Variants in MAP3K1 observed in about 807,000 individuals in gnomAD.
MAP3K1 encodes MAP/ERK kinase kinase 1.
A neutral mutation model predicts 144.2 loss-of-function variants in MAP3K1; 36 were observed. The ratio of observed to expected loss-of-function variants is 0.25; its 90% confidence interval spans 0.19 to 0.33. MAP3K1 has a LOEUF of 0.33. Among genes scored for constraint, MAP3K1 ranks in the 10% least tolerant of loss-of-function variants. The pLI is 1.00. For missense variants in MAP3K1, 1,650 were observed against 1,881.9 expected (o/e 0.88, Z 2.28); for synonymous variants, 718 against 688.7 (o/e 1.04, Z -0.67).
chr5:56,851,248 G>C (rs548881471), intron 1 of MAP3K1, among the ~76,000 whole-genome samples: 1 of 152,258 alleles, frequency 6.6e-6, no homozygotes, highest in South Asian at 2.1e-4. Context: ...GCCCGGCCAG[G>C]ATTCTATTTT....
intron 1 of MAP3K1, among the ~76,000 whole-genome samples, chr5:56,855,306 A>G (rs1260589072): frequency 6.6e-6 from 1 of 152,014 alleles, no homozygotes; most frequent in Non-Finnish European, 1.5e-5. Context: ...CTTTTTTCAT[A>G]CTTTTTGAAA....
At chr5:56,884,921 A>G (rs1182616852) in intron 16 of MAP3K1, 95 bp downstream of exon 16, 1 of 1,197,684 alleles carries the variant, frequency 8.3e-7, no homozygotes, top group African/African-American at 1.5e-5. Flanking sequence ...ATTTCTATCA[A>G]ATAGTTTGGG....
intron 3 of MAP3K1, among the ~76,000 whole-genome samples, chr5:56,863,478 TAGTA>T (rs1284791308): frequency 6.6e-6 from 1 of 152,246 alleles, no homozygotes; most frequent in Non-Finnish European, 1.5e-5. Flanking sequence ...TAGCATGTGT[TAGTA>T]CTCCATTTTT....
rs1370437280 is a variant in MAP3K1, at chr5:56,815,839, C to T, written c.266C>T (p.Thr89Ile). 6.4e-6 allele frequency: 9 copies of T among 1,408,318 alleles called. No individual in the cohort carries two copies. The highest frequency in any genetic ancestry group is 3.1e-5 in the East Asian group (1 of 31,994). The allele number at this position is 1,408,318 out of a possible 1,614,324, so 87.2% of individuals were successfully genotyped here. Residue 89 changes from threonine (T) to isoleucine (I), a missense_variant, in exon 1 of 20, where the codon ACT becomes ATT. Thr to Ile is a moderately conservative substitution (Grantham distance 89, BLOSUM62 -1). Coordinates refer to ENST00000399503, the MANE Select transcript of MAP3K1 (RefSeq NM_005921.2). ...FLAASPPASSTSPSPEPADAA... is the reference protein window; with the variant it reads ...FLAASPPASSISPSPEPADAA... ...GCCGCCTCACCGCCGGCCTCCTCGA[C>T]TTCCCCGTCGCCGGAGCCCGCGGAC...
At chr5:56,867,794 TATATC>T (rs1343481005) in intron 6 of MAP3K1, among the ~76,000 whole-genome samples, 2 of 152,218 alleles carry the variant, frequency 1.3e-5, no homozygotes, top group Non-Finnish European at 2.9e-5. Context: ...AAGCCTCACA[TATATC>T]ATATATGACT....
At chr5:56,828,882 CTTTTT>C (rs10552271) in intron 1 of MAP3K1, among the ~76,000 whole-genome samples, 113,204 of 151,050 alleles carry the variant, frequency 0.75, 42,900 homozygotes, top group Non-Finnish European at 0.82. Context: ...ATGTATGCAT[CTTTTT>C]TTTTTAAGTT....
At chr5:56,820,794 G>A in intron 1 of MAP3K1, 1 of 985,398 alleles carries the variant, frequency 1.0e-6, no homozygotes, top group South Asian at 4.7e-5. Flanking sequence ...AAAAGATCAT[G>A]AGTGCACAAG....
At chr5:56,866,076 T>A in intron 6 of MAP3K1, 99 bp downstream of exon 6, 3 of 1,037,754 alleles carry the variant, frequency 2.9e-6, no homozygotes, top group Non-Finnish European at 4.4e-6. Context: ...TAAAATGATT[T>A]AATTATTGAA....
At chr5:56,827,358 C>T (rs1210843514) in intron 1 of MAP3K1, among the ~76,000 whole-genome samples, 2 of 152,160 alleles carry the variant, frequency 1.3e-5, no homozygotes, top group African/African-American at 2.4e-5. Flanking sequence ...CAGGAGGCCC[C>T]AAGAAGGATT....
At chr5:56,867,591 A>G (rs989142083) in intron 6 of MAP3K1, among the ~76,000 whole-genome samples, 1 of 152,208 alleles carries the variant, frequency 6.6e-6, no homozygotes, top group African/African-American at 2.4e-5. Flanking sequence ...TTAAAAAAAG[A>G]TACCAGTTTT....
intron 1 of MAP3K1, among the ~76,000 whole-genome samples, chr5:56,821,030 T>C (rs1485425467): frequency 6.6e-6 from 1 of 152,240 alleles, no homozygotes; most frequent in East Asian, 1.9e-4. Context: ...CATCTGCTAC[T>C]GCTAGTTCTG....
At chr5:56,822,053 C>T (rs771443405) in intron 1 of MAP3K1, among the ~76,000 whole-genome samples, 26 of 152,120 alleles carry the variant, frequency 1.7e-4, no homozygotes, top group Non-Finnish European at 1.8e-4. Flanking sequence ...CGGAGTCTTG[C>T]TCTGTTGCCC....
At chr5:56,841,066 TG>T in intron 1 of MAP3K1, among the ~76,000 whole-genome samples, 1 of 152,034 alleles carries the variant, frequency 6.6e-6, no homozygotes, top group East Asian at 1.9e-4. Flanking sequence ...TTAGTAGAGA[TG>T]GGGTTTTGCC....
intron 1 of MAP3K1, among the ~76,000 whole-genome samples, chr5:56,843,523 A>C (rs1197754609): frequency 3.4e-4 from 52 of 152,146 alleles, no homozygotes; most frequent in Admixed American, 3.1e-3. Context: ...ATAAATTACC[A>C]AGGTTTTTTG....
rs888199658 is a variant in MAP3K1, at chr5:56,893,691, A to G, written c.*11A>G. The stretch of plus-strand genomic sequence containing the variant: ...CGTACTACATGGTAGCCAATTATGC[A>G]GATCAACTACAGTAGAAACAGGATG... On this transcript the variant is annotated 3_prime_UTR_variant, in exon 20 of 20. Coordinates refer to ENST00000399503, the MANE Select transcript of MAP3K1 (RefSeq NM_005921.2). 1.2e-6 allele frequency: 2 copies of G among 1,613,608 alleles called. No homozygotes were observed. The highest frequency in any genetic ancestry group is 1.7e-5 in the Admixed American group (1 of 59,976).
At chr5:56,845,697 A>G (rs922633955) in intron 1 of MAP3K1, among the ~76,000 whole-genome samples, 9 of 152,244 alleles carry the variant, frequency 5.9e-5, no homozygotes, top group Non-Finnish European at 1.3e-4. Context: ...ACAATTAGGG[A>G]AGAGGATACT....
Position 56,885,267 on chromosome 5 carries a change from T to C in MAP3K1, c.3982+441T>C, listed in dbSNP as rs368707982. On this transcript the variant is annotated intron_variant, in intron 16 of 19. Coordinates refer to ENST00000399503, the MANE Select transcript of MAP3K1 (RefSeq NM_005921.2). ...CTGCTGAAATAAATGAAGACTGAGT[T>C]TTATTTTGTATTATACAATGTATAC... 2.5e-4 allele frequency among the ~76,000 whole-genome samples: 38 copies of C among 152,374 alleles called. 1 individual carries two copies. In the South Asian group the frequency reaches 7.4e-3, roughly 30 times the overall value.
intron 1 of MAP3K1, among the ~76,000 whole-genome samples, chr5:56,822,593 A>T (rs1189570309): frequency 6.6e-6 from 1 of 152,112 alleles, no homozygotes; most frequent in African/African-American, 2.4e-5. Context: ...GAACATTGAT[A>T]CTGGAAGATT....
intron 1 of MAP3K1, among the ~76,000 whole-genome samples, chr5:56,851,744 C>T (rs1747179913): frequency 6.6e-6 from 1 of 152,164 alleles, no homozygotes; most frequent in Admixed American, 6.5e-5. Flanking sequence ...AGGAACATTC[C>T]TGGACCAGGC....
Sources: gnomAD v4.1 joint callset for allele counts (sites outside exome capture counted in the v4.1 genomes callset) on GRCh38, gnomAD v4.1.1 for gene constraint, MANE v1.5 for transcripts, NCBI Gene and HGNC (gene_info 2026-07-23, HGNC 2026-07-21) for gene names.